The following DLC1 variants were observed in gnomAD, a reference collection of about 807,000 sequenced individuals.
The protein encoded by DLC1 is rho GTPase-activating protein 7.
Under a neutral mutation model 140.3 loss-of-function variants are expected in DLC1, and 54 were observed. The observed-to-expected ratio is 0.38, with a 90% CI of 0.31 to 0.48. The LOEUF (loss-of-function observed/expected upper bound fraction) is 0.48, where lower values mean the gene tolerates loss of function less well. Ranked by LOEUF, DLC1 falls within the 20% of genes least tolerant of loss-of-function variation. DLC1 has a pLI of 0.96. For synonymous variants in DLC1, 986 were observed against 728.1 expected, an observed-to-expected ratio of 1.35 and a Z score of -5.70; for missense variants, 2,536 against 1,907.0, an observed-to-expected ratio of 1.33 and a Z score of -6.14.
intron 1 of DLC1, among the ~76,000 whole-genome samples, chr8:13,585,126 C>G (rs912079458): frequency 6.6e-6 from 1 of 152,126 alleles, no homozygotes; most frequent in Non-Finnish European, 1.5e-5. Flanking sequence ...AAATTTTTAA[C>G]AAATATGTGT....
At chr8:13,570,760 G>A (rs989013126) in intron 1 of DLC1, among the ~76,000 whole-genome samples, 6 of 151,790 alleles carry the variant, frequency 4.0e-5, no homozygotes, top group Admixed American at 1.3e-4. Context: ...CCGCTTCTTC[G>A]TCGTCTTCAT....
chr8:13,196,896 C>T (rs1432454345), intron 5 of DLC1, among the ~76,000 whole-genome samples: 1 of 152,188 alleles, frequency 6.6e-6, no homozygotes, highest in African/African-American at 2.4e-5. Context: ...TCTACTACTT[C>T]AGAGGGATTA....
intron 5 of DLC1, among the ~76,000 whole-genome samples, chr8:13,124,014 C>T (rs1013248689): frequency 2.6e-5 from 4 of 152,060 alleles, no homozygotes; most frequent in African/African-American, 9.7e-5. Context: ...GTATATGTAA[C>T]TATTATAAAA....
chr8:13,308,429 A>G (rs1480134876), intron 4 of DLC1, among the ~76,000 whole-genome samples: 4 of 152,220 alleles, frequency 2.6e-5, no homozygotes, highest in African/African-American at 9.6e-5. Context: ...TATTCCTCCA[A>G]TGATTTATCT....
chr8:13,122,463 T>C (rs572585179), intron 5 of DLC1, among the ~76,000 whole-genome samples: 107 of 152,150 alleles, frequency 7.0e-4, no homozygotes, highest in South Asian at 2.9e-3. Context: ...CACAAAGGAA[T>C]TACAGAGAGG....
intron 5 of DLC1, among the ~76,000 whole-genome samples, chr8:13,152,933 A>G (rs1034048443): frequency 3.9e-5 from 6 of 151,940 alleles, no homozygotes; most frequent in Non-Finnish European, 7.4e-5. Flanking sequence ...TTTATGACTT[A>G]ATGAAACTTT....
chr8:13,371,969 T>G (rs537300707), intron 4 of DLC1, among the ~76,000 whole-genome samples: 1 of 152,170 alleles, frequency 6.6e-6, no homozygotes, highest in African/African-American at 2.4e-5. Context: ...AAATAAAAAC[T>G]GTGGCTCTAT....
chr8:13,251,972 G>A (rs560668723), intron 5 of DLC1, among the ~76,000 whole-genome samples: 3 of 152,232 alleles, frequency 2.0e-5, no homozygotes, highest in African/African-American at 7.2e-5. Flanking sequence ...TACCAGAAAA[G>A]CATTTTACTA....
At chr8:13,155,113 CT>C (rs1171576759) in intron 5 of DLC1, among the ~76,000 whole-genome samples, 1 of 145,898 alleles carries the variant, frequency 6.9e-6, no homozygotes, top group African/African-American at 2.5e-5. Flanking sequence ...TCTATGCAAA[CT>C]TTCTACAACT....
Position 13,102,865 on chromosome 8 carries a change from A to G in DLC1, c.1503-12T>C. 1.2e-6 allele frequency: 2 copies of G among 1,612,384 alleles called. No individual in the cohort carries two copies. The highest frequency in any genetic ancestry group is 1.7e-6 in the Non-Finnish European group (2 of 1,179,534). ...AAGTATTTAGACGCCTATAGAGCAA[A>G]GAAATAACGTTAGCAAAGATAGGCA... is the stretch of plus-strand genomic sequence containing the variant. On this transcript the variant is annotated splice_polypyrimidine_tract_variant and intron_variant, in intron 7 of 17. Coordinates refer to ENST00000276297, the MANE Select transcript of DLC1 (RefSeq NM_182643.3).
chr8:13,508,876 C>G (rs1330141830), intron 1 of DLC1, among the ~76,000 whole-genome samples: 2 of 152,126 alleles, frequency 1.3e-5, no homozygotes, highest in Admixed American at 1.3e-4. Flanking sequence ...CAAATAAATT[C>G]ATTAATGAAT....
intron 1 of DLC1, among the ~76,000 whole-genome samples, chr8:13,505,233 A>C (rs1585218214): frequency 6.6e-6 from 1 of 152,200 alleles, no homozygotes; most frequent in East Asian, 1.9e-4. Flanking sequence ...CATATGAAGC[A>C]ATGATTTTCA....
chr8:13,407,215 T>C (rs1837608384), intron 2 of DLC1, among the ~76,000 whole-genome samples: 2 of 152,242 alleles, frequency 1.3e-5, no homozygotes, highest in South Asian at 4.1e-4. Context: ...ATTTAGTTCC[T>C]GGGCAGTGAA....
chr8:13,209,180 G>C (rs1411033228), intron 5 of DLC1, among the ~76,000 whole-genome samples: 1 of 152,152 alleles, frequency 6.6e-6, no homozygotes, highest in Non-Finnish European at 1.5e-5. Context: ...AATTCCTGTA[G>C]CTATTTGATA....
chr8:13,475,409 T>C (rs1229351652), intron 2 of DLC1, among the ~76,000 whole-genome samples: 1 of 152,206 alleles, frequency 6.6e-6, no homozygotes, highest in African/African-American at 2.4e-5. Flanking sequence ...AAAGGCCATC[T>C]TTTATATTGG....
Position 13,453,556 on chromosome 8 carries a change from ATTTT to A in DLC1, c.1023+45489_1023+45492del, listed in dbSNP as rs370075708. 7.4e-4 allele frequency among the ~76,000 whole-genome samples: 20 copies of A among 26,912 alleles called. 2 individuals are homozygous for A. The highest frequency in any genetic ancestry group is 7.0e-3 in the South Asian group (5 of 714). 17.7% of individuals were successfully genotyped at this position (26,912 alleles called of 152,430 possible). On this transcript the variant is annotated intron_variant, in intron 2 of 17. Transcript: ENST00000276297. Reference sequence around the variant, plus strand: ...TATATATACATATATATATATATATATTTTTTTTTTTTTTTTTTCAGATAGAAAT... The same window carrying A: ...TATATATACATATATATATATATATATTTTTTTTTTTTTTCAGATAGAAAT...
chr8:13,466,169 G>A (rs1423266470), intron 2 of DLC1, among the ~76,000 whole-genome samples: 2 of 152,116 alleles, frequency 1.3e-5, no homozygotes, highest in Admixed American at 6.5e-5. Context: ...GAACCCCCAT[G>A]GGAATCCTGC....
intron 1 of DLC1, among the ~76,000 whole-genome samples, chr8:13,594,371 T>A (rs1805618709): frequency 6.6e-6 from 1 of 152,052 alleles, no homozygotes; most frequent in Admixed American, 6.6e-5. Context: ...TCTGTAAATG[T>A]TGTTTCTATG....
At chr8:13,296,016 G>A (rs1006319455) in intron 5 of DLC1, among the ~76,000 whole-genome samples, 2 of 143,404 alleles carry the variant, frequency 1.4e-5, no homozygotes, top group South Asian at 2.3e-4. Context: ...GCAGTAGGGC[G>A]ATCTTGGCTC....
Sources: gnomAD v4.1 joint callset for allele counts (sites outside exome capture counted in the v4.1 genomes callset) on GRCh38, gnomAD v4.1.1 for gene constraint, MANE v1.5 for transcripts, NCBI Gene and HGNC (gene_info 2026-07-23, HGNC 2026-07-21) for gene names.